The following ZNF780B variants were observed in gnomAD, a reference collection of about 807,000 sequenced individuals.
ZNF780B encodes zinc finger protein 779.
In ZNF780B, 52 loss-of-function variants were observed where a neutral mutation model predicts 74.1. The observed-to-expected ratio is 0.70, with a 90% CI of 0.56 to 0.88. ZNF780B has a LOEUF of 0.88. Among genes scored for constraint, ZNF780B ranks in the 40% least tolerant of loss-of-function variants. ZNF780B has a pLI of 0.00. For synonymous variants in ZNF780B, 315 were observed against 324.3 expected (o/e 0.97, Z 0.31); for missense variants, 953 against 1,007.6 (o/e 0.95, Z 0.73).
chr19:40,048,377 T>C (rs753929849), intron 3 of ZNF780B, among the ~76,000 whole-genome samples: 1 of 152,202 alleles, frequency 6.6e-6, no homozygotes, highest in Non-Finnish European at 1.5e-5. Context: ...ACCTGGTTCT[T>C]GAACAATATC....
Position 40,034,687 on chromosome 19 carries a change from G to C in ZNF780B, c.2172C>G (p.Pro724=), listed in dbSNP as rs1397459399. 2 of 1,613,828 alleles carry C rather than the reference G, an allele frequency of 1.2e-6. No homozygotes were observed. Among genetic ancestry groups the C allele is most frequent in the Non-Finnish European group, 1.7e-6 (2 of 1,179,950 alleles). ...EHYRIHTGEK[P]FECKECGKAF... ...CCTTTCCGCATTCTTTACATTCAAA[G>C]GGTTTCTCACCAGTATGAATTCGGT... Residue 724 remains proline, a synonymous_variant, in exon 5 of 5, where the codon CCC becomes CCG. Coordinates refer to ENST00000434248, the MANE Select transcript of ZNF780B (RefSeq NM_001005851.3).
intron 4 of ZNF780B, among the ~76,000 whole-genome samples, chr19:40,044,517 C>T (rs1044441694): frequency 6.6e-6 from 1 of 152,144 alleles, no homozygotes; most frequent in Non-Finnish European, 1.5e-5. Context: ...GGACACTATC[C>T]TCAGCAAAGT....
chr19:40,052,225 C>T (rs11883342), intron 1 of ZNF780B, among the ~76,000 whole-genome samples: 11,422 of 152,064 alleles, frequency 0.075, 455 homozygotes, highest in African/African-American at 0.08. Context: ...TTTGTTGGGG[C>T]TATAGGGAGG....
intron 2 of ZNF780B, among the ~76,000 whole-genome samples, chr19:40,049,870 A>G (rs1341859383): frequency 6.6e-6 from 1 of 152,084 alleles, no homozygotes; most frequent in Admixed American, 6.6e-5. Context: ...TTGGTCACCA[A>G]ACTTCACTGT....
In ZNF780B at chr19:40,036,512, A is replaced by G. The variant is rs767594287; in HGVS notation, c.347T>C (p.Phe116Ser). 1.4e-4 allele frequency: 233 copies of G among 1,608,180 alleles called. No individual in the cohort carries two copies. The highest frequency in any genetic ancestry group is 1.9e-4 in the Non-Finnish European group (226 of 1,177,804). ...QISKTLGLEA[F>S]YFRNDSEYRS... Reference sequence around the variant, plus strand: ...ATATTCTGAGTCATTTCTAAAATAAAAGGCCTCGAGGCCAAGTGTTTTACT... The same window carrying G: ...ATATTCTGAGTCATTTCTAAAATAAGAGGCCTCGAGGCCAAGTGTTTTACT... The change falls in exon 5 of 5, where the codon TTT (phenylalanine) becomes TCT (serine). Residue 116 changes from phenylalanine (F) to serine (S), a missense_variant. Transcript: ENST00000434248.
chr19:40,038,281 A>G (rs1227781748), intron 4 of ZNF780B, among the ~76,000 whole-genome samples: 10 of 151,694 alleles, frequency 6.6e-5, no homozygotes, highest in African/African-American at 2.4e-5. Context: ...TCCATGGTGT[A>G]TATGTGCCAC....
At position 40,047,596 on chromosome 19, in the gene ZNF780B, A is replaced by G. The variant is rs1972992947; in HGVS notation, c.137-126T>C. 9 of 550,304 alleles carry G rather than the reference A, an allele frequency of 1.6e-5. No individual in the cohort carries two copies. The East Asian group carries it at 2.9e-4, about 18-fold the overall frequency. The allele number at this position is 550,304 out of a possible 1,614,324, so 34.1% of individuals were successfully genotyped here. Reference sequence around the variant, plus strand: ...ATATTGAGAAGAGACTCCAGATAAGAGAGGATTGAGTAAGGGATCAACTAT... The same window carrying G: ...ATATTGAGAAGAGACTCCAGATAAGGGAGGATTGAGTAAGGGATCAACTAT... On this transcript the variant is annotated intron_variant, in intron 3 of 4. Coordinates refer to ENST00000434248, the MANE Select transcript of ZNF780B (RefSeq NM_001005851.3).
At chr19:40,055,066 G>A (rs995819348) in intron 1 of ZNF780B, among the ~76,000 whole-genome samples, 1 of 152,148 alleles carries the variant, frequency 6.6e-6, no homozygotes, top group Admixed American at 6.5e-5. Flanking sequence ...TGGAAAAGGA[G>A]GCCTGTAAAG....
At chr19:40,047,498 A>T (rs1025516603) in intron 3 of ZNF780B, 28 bp from the exon 4 acceptor site, 4 of 1,524,276 alleles carry the variant, frequency 2.6e-6, no homozygotes, top group Non-Finnish European at 3.5e-6. Context: ...CACATGTAGA[A>T]TTTTTTTAAT....
intron 2 of ZNF780B, among the ~76,000 whole-genome samples, chr19:40,050,007 CT>C (rs1973132889): frequency 6.6e-6 from 1 of 151,952 alleles, no homozygotes. Flanking sequence ...ACCATCCTGG[CT>C]AATATGGTGA....
chr19:40,031,388 A>T lies in ZNF780B; in HGVS notation c.*2969T>A, dbSNP rs1010411275. The T allele has an allele frequency of 2.6e-5, 4 of 152,010 alleles. No homozygotes were observed. The highest frequency in any genetic ancestry group is 4.8e-5 in the African/African-American group (2 of 41,386). The allele number at this position is 152,010 out of a possible 1,614,324, so 9.4% of individuals were successfully genotyped here. On this transcript the variant is annotated 3_prime_UTR_variant, in exon 5 of 5. Transcript: ENST00000434248. ...AGGAATGCACCACCATGTCCAGCTA[A>T]TTTTTTTATTTTTAGGAGAGATGGA...
chr19:40,039,030 T>C (rs887181334), intron 4 of ZNF780B, among the ~76,000 whole-genome samples: 3 of 152,202 alleles, frequency 2.0e-5, no homozygotes, highest in African/African-American at 4.8e-5. Flanking sequence ...TCTTCTAGGG[T>C]TTTTATGGTT....
chr19:40,045,758 T>C (rs1972906185), intron 4 of ZNF780B, among the ~76,000 whole-genome samples: 1 of 151,970 alleles, frequency 6.6e-6, no homozygotes, highest in South Asian at 2.1e-4. Flanking sequence ...GAAGCCGAGG[T>C]GGGTGAATCA....
chr19:40,046,934 A>G (rs1294056334), intron 4 of ZNF780B, among the ~76,000 whole-genome samples: 1 of 152,212 alleles, frequency 6.6e-6, no homozygotes, highest in African/African-American at 2.4e-5. Context: ...GATCCAAAAT[A>G]CGTGTTAAAA....
rs1345969234 is a variant in ZNF780B, at chr19:40,032,844, T to C, written c.*1513A>G. The C allele has an allele frequency of 6.5e-6, 1 of 153,742 alleles. No individual in the cohort carries two copies. Among genetic ancestry groups the C allele is most frequent in the African/African-American group, 2.4e-5 (1 of 41,446 alleles). The allele number at this position is 153,742 out of a possible 1,614,324, so 9.5% of individuals were successfully genotyped here. A position where few individuals can be genotyped will look rare whatever the true frequency, so the allele number is the denominator to read the frequency against. ...TTTTCCTTAAGGGTAATTATGGTAC[T>C]ATGGTTATATGATATTGTCTTTATG... On this transcript the variant is annotated 3_prime_UTR_variant, in exon 5 of 5. Coordinates refer to ENST00000434248, the MANE Select transcript of ZNF780B (RefSeq NM_001005851.3).
At chr19:40,039,421 T>G (rs1041122828) in intron 4 of ZNF780B, among the ~76,000 whole-genome samples, 7 of 152,128 alleles carry the variant, frequency 4.6e-5, no homozygotes, top group African/African-American at 1.2e-4. Context: ...ATATGAACTT[T>G]AAAGTAGTTT....
intron 1 of ZNF780B, among the ~76,000 whole-genome samples, chr19:40,053,818 A>T (rs1478493700): frequency 6.6e-6 from 1 of 152,264 alleles, no homozygotes; most frequent in Non-Finnish European, 1.5e-5. Context: ...AGAAAGGCAG[A>T]TGATCTCACT....
intron 2 of ZNF780B, among the ~76,000 whole-genome samples, chr19:40,049,879 G>A (rs549762762): frequency 6.6e-6 from 1 of 152,206 alleles, no homozygotes; most frequent in South Asian, 2.1e-4. Context: ...AAACTTCACT[G>A]TAATGGGACA....
chr19:40,047,535 C>G (rs1403460046), intron 3 of ZNF780B, 65 bp from the exon 4 acceptor site: 1 of 1,065,842 alleles, frequency 9.4e-7, no homozygotes, highest in Admixed American at 2.7e-5. Context: ...AACCCTGAGA[C>G]CTAGTTAAAC....
Sources: gnomAD v4.1 joint callset for allele counts (sites outside exome capture counted in the v4.1 genomes callset) on GRCh38, gnomAD v4.1.1 for gene constraint, MANE v1.5 for transcripts, NCBI Gene and HGNC (gene_info 2026-07-23, HGNC 2026-07-21) for gene names.